Variants in IGSF9 observed in about 807,000 individuals in gnomAD.
IGSF9 encodes the protein protein turtle homolog A.
A neutral mutation model predicts 121.7 loss-of-function variants in IGSF9; 87 were observed. The ratio of observed to expected loss-of-function variants is 0.71; its 90% CI spans 0.60 to 0.85. IGSF9 has a LOEUF of 0.85. Among genes scored for constraint, IGSF9 ranks in the 40% least tolerant of loss-of-function variants. The pLI, the probability that IGSF9 is intolerant of heterozygous loss-of-function variation, is 0.00. For synonymous variants in IGSF9, 640 were observed against 648.4 expected (o/e 0.99, Z 0.20); for missense variants, 1,462 against 1,565.3 (o/e 0.93, Z 1.11).
chr1:159,929,550 G>T, intron 17 of IGSF9, 88 bp downstream of exon 17: 3 of 1,494,688 alleles, frequency 2.0e-6, no homozygotes, highest in Non-Finnish European at 2.7e-6. Context: ...GGATCACACA[G>T]GAGCGAGGGC....
intron 9 of IGSF9, chr1:159,933,899 C>A (rs1470541254): frequency 1.3e-5 from 6 of 447,318 alleles, no homozygotes; most frequent in Non-Finnish European, 2.4e-5. Flanking sequence ...CCAGTCATCA[C>A]ACGAAAGAAA....
chr1:159,930,017 G>T (rs1650931732), intron 15 of IGSF9, 42 bp from the exon 16 acceptor site: 4 of 1,585,006 alleles, frequency 2.5e-6, no homozygotes, highest in Non-Finnish European at 3.4e-6. Context: ...TCAGGGCCCA[G>T]CACCGCCCAA....
chr1:159,934,706 C>T lies in IGSF9; in HGVS notation c.790G>A (p.Asp264Asn). The change falls in exon 7 of 21, where the codon GAC (aspartate) becomes AAC (asparagine). Residue 264 changes from aspartate to asparagine, a missense_variant. Around this residue, in one of 3 missense-constraint regions of IGSF9, gnomAD observed 558 missense variants for 599.4 expected, o/e 0.93. Transcript: ENST00000368094. ...PANLTYSWFQDNINVFHISRL... is the reference protein window; with the variant it reads ...PANLTYSWFQNNINVFHISRL... ...CTAATGTGGAAGACATTGATGTTGT[C>T]CTGGAACCAGCTGTAGGTGAGGTTA... is the stretch of plus-strand genomic sequence containing the variant. 6.2e-7 allele frequency: 1 copy of T among 1,614,218 alleles called. No homozygotes were observed. Among genetic ancestry groups the T allele is most frequent in the Non-Finnish European group, 8.5e-7 (1 of 1,180,030 alleles).
intron 15 of IGSF9, 53 bp downstream of exon 15, chr1:159,930,136 G>T: frequency 6.4e-7 from 1 of 1,559,186 alleles, no homozygotes; most frequent in East Asian, 2.3e-5. Context: ...GAATGGAGAA[G>T]GACGCAGGAG....
rs1557931736 is a variant in IGSF9 at position 159,930,320 on chromosome 1, G to A, written c.1933C>T (p.Pro645Ser). 3 of 1,612,956 alleles carry A rather than the reference G, an allele frequency of 1.9e-6. No individual in the cohort carries two copies. The highest frequency in any genetic ancestry group is 2.5e-6 in the Non-Finnish European group (3 of 1,179,352). The change falls in exon 15 of 21, where the codon CCC becomes TCC. Residue 645 changes from proline (P) to serine (S), a missense_variant. Transcript: ENST00000368094. ...TPRGVLLHWD[P>S]PELVPKRLDG... Reference sequence around the variant, plus strand: ...AGTCTCTTAGGGACCAGCTCTGGGGGATCCCAATGCAGGAGTACCCCCCGG... The same window carrying A: ...AGTCTCTTAGGGACCAGCTCTGGGGAATCCCAATGCAGGAGTACCCCCCGG...
Position 159,943,515 on chromosome 1 carries a change from AG to A in IGSF9, c.-62del. On this transcript the variant is annotated 5_prime_UTR_variant, in exon 2 of 21. Transcript: ENST00000368094. ...CACAGGAGCCCAGATGGAGGGGCCA[AG>A]GGATGTCCTTCTGATCAGCTCAGGG... is the stretch of plus-strand genomic sequence containing the variant. 1 of 1,445,134 alleles carries A rather than the reference AG, an allele frequency of 6.9e-7. No homozygotes were observed. The highest frequency in any genetic ancestry group is 9.2e-7 in the Non-Finnish European group (1 of 1,082,650). 89.5% of individuals were successfully genotyped at this position (1,445,134 alleles called of 1,614,324 possible).
intron 3 of IGSF9, among the ~76,000 whole-genome samples, chr1:159,938,222 G>A (rs539067083): frequency 1.3e-5 from 2 of 152,240 alleles, no homozygotes; most frequent in South Asian, 2.1e-4. Flanking sequence ...GTAGGGGAAG[G>A]TGTGAGCTCC....
intron 4 of IGSF9, 59 bp downstream of exon 4, chr1:159,937,627 A>G: frequency 6.6e-7 from 1 of 1,524,870 alleles, no homozygotes; most frequent in Admixed American, 1.7e-5. Context: ...CCCACCAGCC[A>G]GAGATCCCCA....
At chr1:159,933,977 G>C in intron 9 of IGSF9, 1 of 586,284 alleles carries the variant, frequency 1.7e-6, no homozygotes, top group Non-Finnish European at 3.0e-6. Context: ...TTTCCCCAAA[G>C]AAGACACAAA....
rs1358245495 is a variant in IGSF9 at position 159,929,032 on chromosome 1, G to A, written c.2370-14C>T. On this transcript the variant is annotated splice_polypyrimidine_tract_variant and intron_variant, in intron 18 of 20. Coordinates refer to ENST00000368094, the MANE Select transcript of IGSF9 (RefSeq NM_001135050.2). ...CCCAGAGCAGAGCTGGGGAAGGACA[G>A]GAGATCAGGGTCTGTGGTAGGGGCA... The A allele has an allele frequency of 6.6e-7, 1 of 1,512,772 alleles. No individual in the cohort carries two copies. Among genetic ancestry groups the A allele is most frequent in the Non-Finnish European group, 8.8e-7 (1 of 1,132,464 alleles). The allele number at this position is 1,512,772 out of a possible 1,614,324, so 93.7% of individuals were successfully genotyped here.
chr1:159,941,948 C>T (rs1160907483), intron 3 of IGSF9, among the ~76,000 whole-genome samples: 1 of 152,268 alleles, frequency 6.6e-6, no homozygotes, highest in Non-Finnish European at 1.5e-5. Context: ...CCTGCACCTC[C>T]TCCCCTCTCT....
intron 18 of IGSF9, 33 bp downstream of exon 18, chr1:159,929,318 G>T (rs1650883811): frequency 1.2e-6 from 2 of 1,607,726 alleles, no homozygotes; most frequent in Non-Finnish European, 1.7e-6. Flanking sequence ...CAATGGAAAG[G>T]CAGAAGAAAG....
rs1277428892 is a variant in IGSF9, at chr1:159,931,135, C to T, written c.1637+3G>A. On this transcript the variant is annotated splice_donor_region_variant and intron_variant, in intron 13 of 20. Transcript: ENST00000368094. The surrounding 1 kb of genome is among the most constrained non-coding windows in gnomAD (Gnocchi z 4.8). ...AGAGAAATGGCAGGAGCAGGTCACT[C>T]ACAGTGGGGTGTACCAGACACTGAA... The T allele has an allele frequency of 6.2e-7, 1 of 1,614,082 alleles. No individual in the cohort carries two copies. The highest frequency in any genetic ancestry group is 8.5e-7 in the Non-Finnish European group (1 of 1,179,978).
chr1:159,942,637 T>C (rs1245175282), intron 3 of IGSF9, among the ~76,000 whole-genome samples: 2 of 151,984 alleles, frequency 1.3e-5, no homozygotes, highest in Non-Finnish European at 2.9e-5. Context: ...TGATGAGATG[T>C]AGAAAAAGCA....
intron 3 of IGSF9, among the ~76,000 whole-genome samples, 199 bp downstream of exon 3, chr1:159,942,764 G>C (rs1259972336): frequency 6.6e-6 from 1 of 152,086 alleles, no homozygotes; most frequent in African/African-American, 2.4e-5. Flanking sequence ...GTGTGTGTGT[G>C]TGTGTAAATG....
chr1:159,943,175 C>T (rs778714360), intron 2 of IGSF9, 24 bp from the exon 3 acceptor site: 1 of 1,573,570 alleles, frequency 6.4e-7, no homozygotes, highest in Admixed American at 2.0e-5. Context: ...GGCATGAGGG[C>T]ACAACGGGGG....
rs768734249 is a variant in IGSF9 at position 159,931,584 on chromosome 1, C to G, written c.1382G>C (p.Gly461Ala). Residue 461 changes from glycine (G) to alanine (A), a missense_variant, in exon 12 of 21, where the codon GGC becomes GCC. This residue lies in a region of IGSF9 where 96 missense variants were observed against 150.7 expected (regional missense o/e 0.64). Transcript: ENST00000368094. This position sits in a 1 kb window ranked among gnomAD's most constrained non-coding sequence, Gnocchi z 4.8. ...GCTGTTGCTGTCCACCTGGGCCTGG[C>G]CTTGCAGCCCCCGGCCCACCTACAG... ...SWTKVGRGLQ[G>A]QAQVDSNSSL... 1.7e-5 allele frequency: 27 copies of G among 1,613,834 alleles called. No individual in the cohort carries two copies. In the South Asian group the frequency reaches 1.9e-4, roughly 11 times the overall value.
At chr1:159,938,355 C>T (rs1275992796) in intron 3 of IGSF9, among the ~76,000 whole-genome samples, 1 of 152,208 alleles carries the variant, frequency 6.6e-6, no homozygotes, top group East Asian at 1.9e-4. Context: ...TATCAGCAGC[C>T]TAAGCGCCTT....
chr1:159,932,861 G>A lies in IGSF9; in HGVS notation c.1105-209C>T, dbSNP rs1457458679. 3.8e-6 allele frequency: 2 copies of A among 533,008 alleles called. No homozygotes were observed. Among genetic ancestry groups the A allele is most frequent in the East Asian group, 3.3e-5 (1 of 30,176 alleles). 33.0% of individuals were successfully genotyped at this position (533,008 alleles called of 1,614,324 possible). A position where few individuals can be genotyped will look rare whatever the true frequency, so the allele number is the denominator to read the frequency against. ...CTCCCAATAGTGTGAGGCTGTGACT[G>A]CACAACTCCAGGGGGTGCCACTCAC... On this transcript the variant is annotated intron_variant, in intron 9 of 20. Transcript: ENST00000368094. The surrounding 1 kb of genome is among the most constrained non-coding windows in gnomAD (Gnocchi z 4.1).
Sources: gnomAD v4.1 joint callset for allele counts (sites outside exome capture counted in the v4.1 genomes callset) on GRCh38, gnomAD v4.1.1 for gene constraint, gnomAD v4.1.1 regional missense constraint, Gnocchi (gnomAD v3.1) non-coding constraint, MANE v1.5 for transcripts, NCBI Gene and HGNC (gene_info 2026-07-23, HGNC 2026-07-21) for gene names.